The following SLC25A36 variants were observed in gnomAD, a reference collection of about 807,000 sequenced individuals.
SLC25A36 encodes the protein solute carrier family 25 member 36, also known as epididymis secretory sperm binding protein.
In SLC25A36, 24 loss-of-function variants were observed where a neutral mutation model predicts 35.3. The observed-to-expected ratio is 0.68, with a 90% CI of 0.49 to 0.96. The LOEUF (loss-of-function observed/expected upper bound fraction) is 0.96, where lower values mean the gene tolerates loss of function less well. SLC25A36 is among the 40% of genes least tolerant of loss of function. The pLI, the probability that SLC25A36 is intolerant of heterozygous loss-of-function variation, is 0.00. For missense variants in SLC25A36, 294 were observed against 381.1 expected (o/e 0.77, Z 1.90); for synonymous variants, 141 against 132.2 (o/e 1.07, Z -0.46).
chr3:140,980,440 A>C lies in SLC25A36; in HGVS notation c.*3987A>C, dbSNP rs895943388. ...AGTCTTGAGGAAACCAGGACGAAAT[A>C]TATTTTGTATTTCAACATTGACATA... is the stretch of plus-strand genomic sequence containing the variant. On this transcript the variant is annotated 3_prime_UTR_variant, in exon 7 of 7. Coordinates refer to ENST00000324194, the MANE Select transcript of SLC25A36 (RefSeq NM_001104647.3). Among the ~76,000 whole-genome samples, 5 of 152,008 alleles carry C rather than the reference A, an allele frequency of 3.3e-5. No individual in the cohort carries two copies. Among genetic ancestry groups the C allele is most frequent in the African/African-American group, 1.2e-4 (5 of 41,370 alleles).
chr3:140,968,286 A>G, intron 4 of SLC25A36: 1 of 814,668 alleles, frequency 1.2e-6, no homozygotes, highest in Non-Finnish European at 1.5e-6. Flanking sequence ...CTAATAGCTA[A>G]AACTGTGGAT....
In SLC25A36 at chr3:140,942,861, T is replaced by A. The variant is rs901062805; in HGVS notation, c.41+766T>A. ...CCAGGTGGTGAATGGGGTGCAAAGC[T>A]TTCCAGTACCTTTGGGGTCAGATTC... On this transcript the variant is annotated intron_variant, in intron 1 of 6. Coordinates refer to ENST00000324194, the MANE Select transcript of SLC25A36 (RefSeq NM_001104647.3). 4 of 152,348 alleles carry A rather than the reference T, an allele frequency of 2.6e-5. No homozygotes were observed. In the East Asian group the frequency reaches 5.8e-4, roughly 22 times the overall value. The allele number at this position is 152,348 out of a possible 1,614,324, so 9.4% of individuals were successfully genotyped here.
intron 2 of SLC25A36, among the ~76,000 whole-genome samples, chr3:140,958,796 GA>G (rs1298104622): frequency 6.6e-6 from 1 of 151,838 alleles, no homozygotes; most frequent in Non-Finnish European, 1.5e-5. Flanking sequence ...TAAAATTAAG[GA>G]AATCGAAGAT....
chr3:140,976,214 G>T, intron 6 of SLC25A36, 46 bp from the exon 7 acceptor site: 2 of 1,251,140 alleles, frequency 1.6e-6, no homozygotes, highest in Non-Finnish European at 2.3e-6. Flanking sequence ...AATTAGAAGA[G>T]TGTAAAGATA....
rs1934005290 is a variant in SLC25A36 at position 140,941,847 on chromosome 3, A to G, written c.-208A>G. On this transcript the variant is annotated 5_prime_UTR_variant, in exon 1 of 7. Coordinates refer to ENST00000324194, the MANE Select transcript of SLC25A36 (RefSeq NM_001104647.3). Reference sequence around the variant, plus strand: ...GCTGCGTCGCTTTCAGCCTCTGGTGAAGGGCGGCGCGCTTAGGCAGGCGGT... The same window carrying G: ...GCTGCGTCGCTTTCAGCCTCTGGTGGAGGGCGGCGCGCTTAGGCAGGCGGT... 4.0e-6 allele frequency: 2 copies of G among 502,484 alleles called. No individual in the cohort carries two copies. The highest frequency in any genetic ancestry group is 4.0e-5 in the Admixed American group (1 of 25,286). 31.1% of individuals were successfully genotyped at this position (502,484 alleles called of 1,614,324 possible).
intron 4 of SLC25A36, chr3:140,965,544 A>G (rs887735491): frequency 6.6e-6 from 1 of 151,758 alleles, no homozygotes; most frequent in African/African-American, 2.4e-5. Context: ...ATTCATTTTC[A>G]TTTTGCATTT....
At chr3:140,965,133 G>A (rs1400352124) in intron 4 of SLC25A36, 1 of 151,708 alleles carries the variant, frequency 6.6e-6, no homozygotes, top group Non-Finnish European at 1.5e-5. Flanking sequence ...GAGCTTCTGT[G>A]CACTATTCAT....
chr3:140,973,628 C>A, intron 5 of SLC25A36, 88 bp from the exon 6 acceptor site: 3 of 947,572 alleles, frequency 3.2e-6, no homozygotes, highest in East Asian at 3.1e-5. Flanking sequence ...TAAAGAAGGC[C>A]ATTCTTTTAT....
chr3:140,946,398 A>G (rs769499136), intron 1 of SLC25A36, among the ~76,000 whole-genome samples: 3 of 152,214 alleles, frequency 2.0e-5, no homozygotes, highest in Non-Finnish European at 4.4e-5. Flanking sequence ...AAGCCTTTAA[A>G]GGACTTTGAC....
At chr3:140,953,371 G>A (rs1312346836) in intron 1 of SLC25A36, among the ~76,000 whole-genome samples, 6 of 145,032 alleles carry the variant, frequency 4.1e-5, no homozygotes, top group South Asian at 2.2e-4. Flanking sequence ...AAATCTGACC[G>A]TATAATTGTG....
At chr3:140,945,911 T>C (rs1017634358) in intron 1 of SLC25A36, among the ~76,000 whole-genome samples, 1 of 152,190 alleles carries the variant, frequency 6.6e-6, no homozygotes, top group African/African-American at 2.4e-5. Context: ...GTTGTTTCAA[T>C]TGCAGGCTAC....
chr3:140,953,640 T>C lies in SLC25A36; in HGVS notation c.42-2887T>C, dbSNP rs150410864. Among the ~76,000 whole-genome samples, 36 of 152,280 alleles carry C rather than the reference T, an allele frequency of 2.4e-4. No homozygotes were observed. The East Asian group carries it at 6.0e-3, about 25-fold the overall frequency. On this transcript the variant is annotated intron_variant, in intron 1 of 6. Coordinates refer to ENST00000324194, the MANE Select transcript of SLC25A36 (RefSeq NM_001104647.3). Reference sequence around the variant, plus strand: ...TGTTTATTGACTTTTGGCAGATGTATAAAGTCATTTAAACACTACCATAGT... The same window carrying C: ...TGTTTATTGACTTTTGGCAGATGTACAAAGTCATTTAAACACTACCATAGT...
chr3:140,968,426 A>G (rs1934817412), intron 4 of SLC25A36: 8 of 979,386 alleles, frequency 8.2e-6, no homozygotes, highest in Non-Finnish European at 9.7e-6. Context: ...GATAATAGCA[A>G]TTACGTAGGG....
At chr3:140,964,797 T>C (rs1485506918) in intron 4 of SLC25A36, 1 of 151,922 alleles carries the variant, frequency 6.6e-6, no homozygotes, top group Non-Finnish European at 1.5e-5. Context: ...GTATAGCAAA[T>C]GCAGAGGTTC....
At chr3:140,957,852 ATTC>A (rs1934516061) in intron 2 of SLC25A36, among the ~76,000 whole-genome samples, 1 of 152,100 alleles carries the variant, frequency 6.6e-6, no homozygotes, top group Non-Finnish European at 1.5e-5. Flanking sequence ...CCTCCTTAAA[ATTC>A]TTCTTTTGAC....
chr3:140,954,967 G>C (rs771841069), intron 1 of SLC25A36, among the ~76,000 whole-genome samples: 1 of 151,844 alleles, frequency 6.6e-6, no homozygotes, highest in Non-Finnish European at 1.5e-5. Flanking sequence ...ATGTTTTATA[G>C]TTTCATCATT....
At chr3:140,971,567 A>C (rs548318533) in intron 5 of SLC25A36, among the ~76,000 whole-genome samples, 4 of 152,198 alleles carry the variant, frequency 2.6e-5, no homozygotes, top group Non-Finnish European at 5.9e-5. Flanking sequence ...TTTAAATGGA[A>C]TAATCAAGGA....
chr3:140,946,076 G>C (rs753087896), intron 1 of SLC25A36, among the ~76,000 whole-genome samples: 1 of 152,130 alleles, frequency 6.6e-6, no homozygotes, highest in African/African-American at 2.4e-5. Flanking sequence ...CCACTTGTCT[G>C]GTTGTAATAT....
chr3:140,971,427 A>G (rs1344032262), intron 5 of SLC25A36, among the ~76,000 whole-genome samples: 1 of 152,184 alleles, frequency 6.6e-6, no homozygotes, highest in Non-Finnish European at 1.5e-5. Flanking sequence ...CCCTAGGCTG[A>G]CAGACAGTTC....
Sources: gnomAD v4.1 joint callset for allele counts (sites outside exome capture counted in the v4.1 genomes callset) on GRCh38, gnomAD v4.1.1 for gene constraint, MANE v1.5 for transcripts, NCBI Gene and HGNC (gene_info 2026-07-23, HGNC 2026-07-21) for gene names.